The following SPAG17 variants were observed in gnomAD, a reference collection of about 807,000 sequenced individuals.
The protein encoded by SPAG17 is sperm associated antigen 17, also known as sperm-associated antigen 17.
SPAG17 carries 169 observed loss-of-function variants against 273.6 expected under a neutral mutation model. The observed-to-expected ratio is 0.62, with a 90% CI of 0.55 to 0.70. The LOEUF (loss-of-function observed/expected upper bound fraction) is 0.70. SPAG17 is among the 30% of genes least tolerant of loss of function. The probability of loss-of-function intolerance (pLI) is 0.00; values close to 1 mark genes in which losing one functional copy is unlikely to be tolerated. For synonymous variants in SPAG17, 825 were observed against 873.2 expected (o/e 0.94, Z 0.97); for missense variants, 2,557 against 2,627.8 (o/e 0.97, Z 0.59).
At chr1:118,008,296 A>G in intron 30 of SPAG17, 98 bp from the exon 31 acceptor site, 2 of 1,398,208 alleles carry the variant, frequency 1.4e-6, no homozygotes, top group Non-Finnish European at 2.0e-6. Context: ...GGCTGTCTGG[A>G]TTCCCCATGG....
chr1:118,041,839 CTCT>C lies in SPAG17; in HGVS notation c.3015_3017del (p.Glu1006del). On this transcript the variant is annotated inframe_deletion, in exon 21 of 49. Transcript: ENST00000336338. ...TCTTAGGTTCTGGTTGGTGGGGGGACTCTTCTGTTACTTCTTGGATCTTGACTT... is the reference window on the plus strand; with the variant it reads ...TCTTAGGTTCTGGTTGGTGGGGGGACTCTGTTACTTCTTGGATCTTGACTT... 6.2e-7 allele frequency: 1 copy of C among 1,613,540 alleles called. No homozygotes were observed.
chr1:118,016,226 G>T (rs1426283694), intron 28 of SPAG17, 44 bp from the exon 29 acceptor site: 1 of 1,446,278 alleles, frequency 6.9e-7, no homozygotes, highest in Non-Finnish European at 9.7e-7. Context: ...TATAACTATA[G>T]TATCAATTAT....
At chr1:118,134,153 G>A (rs552664133) in intron 3 of SPAG17, among the ~76,000 whole-genome samples, 1 of 152,288 alleles carries the variant, frequency 6.6e-6, no homozygotes, top group Non-Finnish European at 1.5e-5. Context: ...TCTACTTTAT[G>A]AAATTTTCAT....
chr1:118,169,405 A>C (rs1660316095), intron 1 of SPAG17, among the ~76,000 whole-genome samples: 1 of 152,236 alleles, frequency 6.6e-6, no homozygotes, highest in South Asian at 2.1e-4. Flanking sequence ...CAGAAAATAT[A>C]GTAATAAAAG....
chr1:117,995,821 A>G lies in SPAG17; in HGVS notation c.5053+549T>C, dbSNP rs577890643. On this transcript the variant is annotated intron_variant, in intron 34 of 48. Coordinates refer to ENST00000336338, the MANE Select transcript of SPAG17 (RefSeq NM_206996.4). ...TAAATACACATATTACATATACTGG[A>G]TGGTTCTTACTTAATGTTTTATGTA... Among the ~76,000 whole-genome samples, 7 of 152,114 alleles carry G rather than the reference A, an allele frequency of 4.6e-5. No homozygotes were observed. The South Asian group carries it at 1.5e-3, about 32-fold the overall frequency.
At chr1:117,973,642 C>A in intron 43 of SPAG17, 81 bp from the exon 44 acceptor site, 1 of 1,376,866 alleles carries the variant, frequency 7.3e-7, no homozygotes, top group Non-Finnish European at 9.7e-7. Flanking sequence ...TGTATGACAA[C>A]AGAAACCAAC....
intron 27 of SPAG17, among the ~76,000 whole-genome samples, 176 bp downstream of exon 27, chr1:118,025,062 G>T (rs975589605): frequency 1.8e-4 from 28 of 152,096 alleles, no homozygotes; most frequent in Middle Eastern, 3.2e-3. Context: ...TTTGTATCCT[G>T]CTCTGCATAT....
At chr1:118,106,713 T>C (rs768303772) in intron 4 of SPAG17, among the ~76,000 whole-genome samples, 2 of 152,234 alleles carry the variant, frequency 1.3e-5, no homozygotes, top group Non-Finnish European at 2.9e-5. Context: ...TAGATTAAAT[T>C]ATTTTAAAGT....
At position 118,073,809 on chromosome 1, in the gene SPAG17, C is replaced by A. The variant is rs761419730; in HGVS notation, c.2385+45G>T. On this transcript the variant is annotated intron_variant, in intron 17 of 48. Transcript: ENST00000336338. Reference sequence around the variant, plus strand: ...CTGTTCTAAATCACAGCAGACTCTCCAGACCTATCTGACCGTCTCCTAGAG... The same window carrying A: ...CTGTTCTAAATCACAGCAGACTCTCAAGACCTATCTGACCGTCTCCTAGAG... 1.7e-5 allele frequency: 23 copies of A among 1,345,712 alleles called. No individual in the cohort carries two copies. The South Asian group carries it at 3.0e-4, about 17-fold the overall frequency. 83.4% of individuals were successfully genotyped at this position (1,345,712 alleles called of 1,614,324 possible).
intron 15 of SPAG17, 43 bp downstream of exon 15, chr1:118,081,058 T>TACACAC (rs56768861): frequency 2.0e-4 from 237 of 1,213,744 alleles, no homozygotes; most frequent in African/African-American, 1.0e-3. Flanking sequence ...AATAGTGTCT[T>TACACAC]ACACACACAC....
intron 29 of SPAG17, among the ~76,000 whole-genome samples, chr1:118,013,991 G>A (rs1354973414): frequency 6.6e-6 from 1 of 152,050 alleles, no homozygotes; most frequent in Non-Finnish European, 1.5e-5. Context: ...TCACCCCAAG[G>A]GCAGTGCTCA....
rs1660672105 is a variant in SPAG17, at chr1:118,175,794, GT to G, written c.87+9276del. 2.6e-5 allele frequency among the ~76,000 whole-genome samples: 4 copies of G among 152,210 alleles called. No individual in the cohort carries two copies. The South Asian group carries it at 8.3e-4, about 32-fold the overall frequency. On this transcript the variant is annotated intron_variant, in intron 1 of 48. Coordinates refer to ENST00000336338, the MANE Select transcript of SPAG17 (RefSeq NM_206996.4). ...ATATTTGAAGGTATAAAACCCACTAGTAAAATTAAGTGCACAAACAAACCCA... is the reference window on the plus strand; with the variant it reads ...ATATTTGAAGGTATAAAACCCACTAGAAAATTAAGTGCACAAACAAACCCA...
At chr1:117,987,641 T>C (rs1168299563) in intron 40 of SPAG17, among the ~76,000 whole-genome samples, 193 bp downstream of exon 40, 3 of 152,196 alleles carry the variant, frequency 2.0e-5, no homozygotes, top group Non-Finnish European at 4.4e-5. Flanking sequence ...AGAGGATCTA[T>C]CTAATGGTCA....
In SPAG17 at chr1:118,091,931, T is replaced by C; in HGVS notation, c.1245A>G (p.Pro415=). 6.2e-7 allele frequency: 1 copy of C among 1,613,698 alleles called. No homozygotes were observed. Among genetic ancestry groups the C allele is most frequent in the Non-Finnish European group, 8.5e-7 (1 of 1,179,642 alleles). The part of the protein sequence containing the change: ...AQYEEPQAPP[P]VTSVITTEVD... ...TCCAGCAGCCGATTTCATACATGCCTGGTGGTGGAGCTTGCGGTTCTTCAT... is the reference window on the plus strand; with the variant it reads ...TCCAGCAGCCGATTTCATACATGCCCGGTGGTGGAGCTTGCGGTTCTTCAT... Residue 415 remains proline, a splice_region_variant and synonymous_variant, in exon 9 of 49, where the codon CCA becomes CCG. Coordinates refer to ENST00000336338, the MANE Select transcript of SPAG17 (RefSeq NM_206996.4).
intron 1 of SPAG17, among the ~76,000 whole-genome samples, chr1:118,173,878 G>C (rs918132934): frequency 4.0e-4 from 44 of 110,256 alleles, no homozygotes; most frequent in African/African-American, 1.5e-3. Context: ...AAAAAAAAAA[G>C]TACACACACA....
intron 30 of SPAG17, 26 bp from the exon 31 acceptor site, chr1:118,008,224 A>G: frequency 6.2e-7 from 1 of 1,612,026 alleles, no homozygotes; most frequent in Non-Finnish European, 8.5e-7. Context: ...AGGTAAGCAG[A>G]TCTGATAGGA....
At chr1:118,140,314 G>C (rs1658604017) in intron 3 of SPAG17, among the ~76,000 whole-genome samples, 1 of 151,990 alleles carries the variant, frequency 6.6e-6, no homozygotes. Context: ...GTTAATAATA[G>C]AGAATTGTAC....
At chr1:118,093,466 G>A in intron 7 of SPAG17, 149 bp from the exon 8 acceptor site, 1 of 705,918 alleles carries the variant, frequency 1.4e-6, no homozygotes, top group South Asian at 2.3e-5. Context: ...CCCAACCATG[G>A]TGACCCCATT....
intron 1 of SPAG17, among the ~76,000 whole-genome samples, chr1:118,153,216 C>T (rs1022836930): frequency 3.9e-5 from 6 of 152,150 alleles, no homozygotes; most frequent in Admixed American, 1.3e-4. Context: ...CAAGAGGGAA[C>T]TAACAATTAT....
Sources: gnomAD v4.1 joint callset for allele counts (sites outside exome capture counted in the v4.1 genomes callset) on GRCh38, gnomAD v4.1.1 for gene constraint, MANE v1.5 for transcripts, NCBI Gene and HGNC (gene_info 2026-07-23, HGNC 2026-07-21) for gene names.